Variants in TEX10 observed in about 807,000 individuals in gnomAD.
The protein encoded by TEX10 is testis-expressed protein 10.
Under a neutral mutation model 104.4 loss-of-function variants are expected in TEX10, and 24 were observed. The observed-to-expected ratio is 0.23, with a 90% confidence interval of 0.17 to 0.32. The LOEUF (loss-of-function observed/expected upper bound fraction) is 0.32, where lower values mean the gene tolerates loss of function less well. TEX10 is among the 10% of genes least tolerant of loss of function. TEX10 has a pLI of 1.00. For synonymous variants in TEX10, 396 were observed against 393.4 expected (o/e 1.01, Z -0.08); for missense variants, 921 against 1,083.9 (o/e 0.85, Z 2.11).
intron 10 of TEX10, 96 bp from the exon 11 acceptor site, chr9:100,320,494 A>G (rs1834539575): frequency 7.5e-7 from 1 of 1,335,962 alleles, no homozygotes; most frequent in East Asian, 2.5e-5. Context: ...CTTCAAGTGA[A>G]CATTCTTTAA....
chr9:100,322,331 T>A (rs1006824032), intron 9 of TEX10, among the ~76,000 whole-genome samples: 1 of 152,160 alleles, frequency 6.6e-6, no homozygotes, highest in Non-Finnish European at 1.5e-5. Flanking sequence ...TCAAAAGGAA[T>A]AGCTAAATGT....
intron 6 of TEX10, among the ~76,000 whole-genome samples, 198 bp from the exon 7 acceptor site, chr9:100,329,473 T>C (rs1461934553): frequency 6.6e-6 from 1 of 152,136 alleles, no homozygotes; most frequent in Admixed American, 6.6e-5. Context: ...CAGTATAAAT[T>C]TTCTTAACAA....
At chr9:100,340,937 G>A (rs2118918567) in intron 4 of TEX10, among the ~76,000 whole-genome samples, 1 of 151,804 alleles carries the variant, frequency 6.6e-6, no homozygotes, top group Non-Finnish European at 1.5e-5. Flanking sequence ...GGGACTTGAG[G>A]TGCTAAAACA....
Position 100,349,763 on chromosome 9 carries a change from G to A in TEX10, c.-9-391C>T, listed in dbSNP as rs376541372. 7.2e-4 allele frequency among the ~76,000 whole-genome samples: 109 copies of A among 152,148 alleles called. No homozygotes were observed. The South Asian group carries it at 0.013, about 19-fold the overall frequency. ...TGCTCCTGGGCTTCGTAAGAGCCTC[G>A]GAGGAACTTCTCTAGCAATACCAAA... is the stretch of plus-strand genomic sequence containing the variant. On this transcript the variant is annotated intron_variant, in intron 1 of 14. Transcript: ENST00000374902.
Position 100,346,998 on chromosome 9 carries a change from T to C in TEX10, c.589A>G (p.Lys197Glu). The change falls in exon 3 of 15, where the codon AAA (lysine) becomes GAA (glutamate). Residue 197 changes from lysine (K) to glutamate (E), a missense_variant. Physicochemically the swap from Lys to Glu is moderately conservative, Grantham distance 56. This residue lies in a region of TEX10 where 753 missense variants were observed against 868.4 expected (regional missense o/e 0.87). Transcript: ENST00000374902. The part of the protein sequence containing the change: ...VELISHQQLS[K>E]GLINRDRSQS... Reference sequence around the variant, plus strand: ...GATCTGTCTCTATTTATCAGTCCTTTGGACAGCTGCTGATGAGAAATAAGT... The same window carrying C: ...GATCTGTCTCTATTTATCAGTCCTTCGGACAGCTGCTGATGAGAAATAAGT... The C allele has an allele frequency of 6.2e-7, 1 of 1,614,198 alleles. No individual in the cohort carries two copies. Among genetic ancestry groups the C allele is most frequent in the Admixed American group, 1.7e-5 (1 of 60,026 alleles).
At chr9:100,349,155 AT>A (rs1835376345) in intron 2 of TEX10, 28 bp downstream of exon 2, 1 of 1,498,854 alleles carries the variant, frequency 6.7e-7, no homozygotes, top group Non-Finnish European at 8.9e-7. Flanking sequence ...AGAAAATCTT[AT>A]TTTGTCAAAA....
intron 11 of TEX10, among the ~76,000 whole-genome samples, chr9:100,313,142 T>C (rs1031614800): frequency 1.3e-4 from 20 of 152,156 alleles, no homozygotes; most frequent in African/African-American, 4.6e-4. Flanking sequence ...GGAGAGAATA[T>C]TACTTCATGA....
Position 100,329,899 on chromosome 9 carries a change from C to T in TEX10, c.1489+32G>A, listed in dbSNP as rs563138102. 7.1e-5 allele frequency: 111 copies of T among 1,553,644 alleles called. 2 individuals carry two copies. In the Middle Eastern group the frequency reaches 8.6e-4, roughly 12 times the overall value. On this transcript the variant is annotated intron_variant, in intron 6 of 14. Coordinates refer to ENST00000374902, the MANE Select transcript of TEX10 (RefSeq NM_017746.4). ...TAAGATAGCACATGTAAGAGCTCCA[C>T]TCTTAAATAAGGGCAAAGTAGCATC... is the stretch of plus-strand genomic sequence containing the variant.
intron 7 of TEX10, 21 bp downstream of exon 7, chr9:100,329,118 AG>A: frequency 6.4e-7 from 1 of 1,572,054 alleles, no homozygotes; most frequent in Non-Finnish European, 8.6e-7. Flanking sequence ...GAAAAAAGAA[AG>A]GAAAAATAAC....
chr9:100,343,357 G>T (rs1163557142), intron 4 of TEX10, among the ~76,000 whole-genome samples: 1 of 133,740 alleles, frequency 7.5e-6, no homozygotes, highest in Non-Finnish European at 1.6e-5. Flanking sequence ...AAGAAAGAAA[G>T]AAAAGAAAAA....
chr9:100,339,766 T>C (rs1306185325), intron 5 of TEX10, among the ~76,000 whole-genome samples: 1 of 152,154 alleles, frequency 6.6e-6, no homozygotes, highest in Non-Finnish European at 1.5e-5. Context: ...AAATAATTTC[T>C]AGGCTTACTT....
chr9:100,313,857 AAAAAAG>A (rs1411261496), intron 11 of TEX10, among the ~76,000 whole-genome samples: 1 of 151,934 alleles, frequency 6.6e-6, no homozygotes, highest in African/African-American at 2.4e-5. Flanking sequence ...AAAAAAAAAA[AAAAAAG>A]AGACACACAC....
At position 100,310,366 on chromosome 9, in the gene TEX10, CTG is replaced by C; in HGVS notation, c.2214_2215del (p.His738GlnfsTer13). On this transcript the variant is annotated frameshift_variant, in exon 12 of 15. Transcript: ENST00000374902. LOFTEE classifies it high-confidence loss of function. ...ACTTCGGGCAGGAATAACCAATAAA[CTG>C]TGAAAAACTGCCTGTCAGAAAAGGA... 1 of 1,613,786 alleles carries C rather than the reference CTG, an allele frequency of 6.2e-7. No individual in the cohort carries two copies. Among genetic ancestry groups the C allele is most frequent in the Non-Finnish European group, 8.5e-7 (1 of 1,179,910 alleles).
chr9:100,337,536 T>G (rs984848623), intron 5 of TEX10, among the ~76,000 whole-genome samples: 6 of 152,154 alleles, frequency 3.9e-5, no homozygotes, highest in African/African-American at 1.2e-4. Flanking sequence ...GGGGAAAAAG[T>G]CTAACATCTT....
chr9:100,352,608 A>G (rs1445057991), intron 1 of TEX10, 164 bp downstream of exon 1: 22 of 1,489,654 alleles, frequency 1.5e-5, no homozygotes, highest in African/African-American at 2.8e-5. Context: ...TGCCGGCCGC[A>G]CACCCAGGCC....
At chr9:100,314,427 T>C (rs1241742872) in intron 11 of TEX10, among the ~76,000 whole-genome samples, 1 of 152,162 alleles carries the variant, frequency 6.6e-6, no homozygotes, top group Non-Finnish European at 1.5e-5. Flanking sequence ...CTACTCATTA[T>C]TGGTCTGTTC....
intron 5 of TEX10, among the ~76,000 whole-genome samples, chr9:100,337,085 T>A (rs894108246): frequency 6.6e-6 from 1 of 152,222 alleles, no homozygotes; most frequent in Non-Finnish European, 1.5e-5. Flanking sequence ...CAGGACCAAC[T>A]CTTTGTTACA....
intron 1 of TEX10, among the ~76,000 whole-genome samples, chr9:100,350,811 C>T (rs528769441): frequency 6.6e-6 from 1 of 152,284 alleles, no homozygotes; most frequent in East Asian, 1.9e-4. Context: ...TCCAAATTTA[C>T]TTAATTACAG....
At position 100,320,391 on chromosome 9, in the gene TEX10, C is replaced by T. The variant is rs769494457; in HGVS notation, c.2076G>A (p.Ser692=). ...TCTGAAGCCAAGTCAACTCCTCTTT[C>T]GAAAACCCTAATTCAGGTAACAAAG... ...SFLFSTLTGF[S]KEELTWLQSL... Residue 692 remains serine, a synonymous_variant, in exon 11 of 15, where the codon TCG becomes TCA. Coordinates refer to ENST00000374902, the MANE Select transcript of TEX10 (RefSeq NM_017746.4). 1.2e-5 allele frequency: 19 copies of T among 1,606,026 alleles called. No homozygotes were observed. The highest frequency in any genetic ancestry group is 4.5e-5 in the South Asian group (4 of 89,504).
Sources: allele counts gnomAD v4.1 joint callset (sites outside exome capture counted in the v4.1 genomes callset), GRCh38; gene constraint gnomAD v4.1.1; regional missense constraint gnomAD v4.1.1; transcripts MANE v1.5; gene names NCBI Gene and HGNC (gene_info 2026-07-23, HGNC 2026-07-21).